The following ADAM18 variants were observed in gnomAD, a reference collection of about 807,000 sequenced individuals.
ADAM18 encodes the protein disintegrin and metalloproteinase domain-containing protein 18.
ADAM18 carries 117 observed loss-of-function variants against 94.4 expected under a neutral mutation model. The observed-to-expected ratio is 1.24, with a 90% CI of 1.07 to 1.45. The LOEUF (loss-of-function observed/expected upper bound fraction) is 1.45. ADAM18 is among the 40% of genes most tolerant of loss of function. The probability of loss-of-function intolerance (pLI) is 0.00; values close to 1 mark genes in which losing one functional copy is unlikely to be tolerated. For missense variants in ADAM18, 936 were observed against 880.0 expected (o/e 1.06, Z -0.81); for synonymous variants, 327 against 291.6 (o/e 1.12, Z -1.24).
At chr8:39,693,328 A>C (rs1464781758) in intron 17 of ADAM18, among the ~76,000 whole-genome samples, 1 of 151,524 alleles carries the variant, frequency 6.6e-6, no homozygotes, top group African/African-American at 2.4e-5. Context: ...GATTCAGAGG[A>C]TATAAAATGC....
chr8:39,677,731 A>G (rs982015490), intron 15 of ADAM18, among the ~76,000 whole-genome samples, 195 bp downstream of exon 15: 2 of 152,102 alleles, frequency 1.3e-5, no homozygotes, highest in Admixed American at 6.6e-5. Context: ...GAGATTGGAC[A>G]AAAAAAGGCT....
At chr8:39,705,278 TC>T (rs1822209723) in intron 17 of ADAM18, among the ~76,000 whole-genome samples, 2 of 152,170 alleles carry the variant, frequency 1.3e-5, no homozygotes, top group Admixed American at 1.3e-4. Context: ...TTACGTAATC[TC>T]CAAAATATCA....
At chr8:39,621,560 A>G (rs1235025227) in intron 6 of ADAM18, among the ~76,000 whole-genome samples, 1 of 152,022 alleles carries the variant, frequency 6.6e-6, no homozygotes, top group Non-Finnish European at 1.5e-5. Context: ...GTAACATCCA[A>G]TAATATTGTG....
rs758275974 is a variant in ADAM18 at position 39,629,356 on chromosome 8, G to C, written c.523-18G>C. 1 of 1,526,886 alleles carries C rather than the reference G, an allele frequency of 6.5e-7. No individual in the cohort carries two copies. The highest frequency in any genetic ancestry group is 8.9e-7 in the Non-Finnish European group (1 of 1,117,886). The allele number at this position is 1,526,886 out of a possible 1,614,324, so 94.6% of individuals were successfully genotyped here. A position where few individuals can be genotyped will look rare whatever the true frequency, so the allele number is the denominator to read the frequency against. ...TACATGTTAACATTTTATAAATCCC[G>C]TTGTTGTTGTTTTCCAGATAAAAAA... On this transcript the variant is annotated intron_variant, in intron 6 of 19. Coordinates refer to ENST00000265707, the MANE Select transcript of ADAM18 (RefSeq NM_014237.3).
intron 7 of ADAM18, among the ~76,000 whole-genome samples, chr8:39,634,943 G>A (rs1039543356): frequency 6.6e-6 from 1 of 152,182 alleles, no homozygotes; most frequent in Admixed American, 6.6e-5. Context: ...GTTTGAATAT[G>A]TTCCTTCCAA....
chr8:39,598,893 C>T (rs1818820486), intron 2 of ADAM18, among the ~76,000 whole-genome samples: 4 of 151,964 alleles, frequency 2.6e-5, no homozygotes, highest in Admixed American at 2.6e-4. Flanking sequence ...CTCACTGCAA[C>T]CATCACCTCC....
intron 18 of ADAM18, among the ~76,000 whole-genome samples, chr8:39,719,114 T>C (rs962799147): frequency 2.0e-5 from 3 of 151,286 alleles, no homozygotes; most frequent in African/African-American, 7.3e-5. Flanking sequence ...AGTTATCAAG[T>C]CAGCGTGGTA....
At chr8:39,605,615 G>T (rs75770246) in intron 2 of ADAM18, 5,512 of 160,392 alleles carry the variant, frequency 0.034, 135 homozygotes, top group Non-Finnish European at 0.054. Flanking sequence ...AAATGCAAGT[G>T]TTTTTCTAAA....
chr8:39,616,406 T>C (rs1019274297), intron 6 of ADAM18, among the ~76,000 whole-genome samples: 1 of 152,054 alleles, frequency 6.6e-6, no homozygotes, highest in South Asian at 2.1e-4. Flanking sequence ...CAAGACTCCT[T>C]CTCAAAAAGA....
intron 17 of ADAM18, among the ~76,000 whole-genome samples, chr8:39,697,689 AGTATG>A (rs1821964555): frequency 1.3e-5 from 2 of 151,752 alleles, no homozygotes; most frequent in South Asian, 4.1e-4. Context: ...GCCTGAAGAA[AGTATG>A]GTGGCTAAAA....
intron 19 of ADAM18, among the ~76,000 whole-genome samples, chr8:39,726,519 T>C (rs1483579471): frequency 6.6e-6 from 1 of 152,128 alleles, no homozygotes; most frequent in African/African-American, 2.4e-5. Context: ...TTTTATTTCA[T>C]TGATTGTTTC....
chr8:39,721,700 A>T (rs1032903038), intron 18 of ADAM18, among the ~76,000 whole-genome samples: 7 of 151,694 alleles, frequency 4.6e-5, no homozygotes, highest in African/African-American at 1.7e-4. Flanking sequence ...GCAAATTAAA[A>T]CTACAATGAG....
In ADAM18 at chr8:39,585,456, A is replaced by G. The variant is rs1818370147; in HGVS notation, c.132+104A>G. On this transcript the variant is annotated intron_variant, in intron 2 of 19. Coordinates refer to ENST00000265707, the MANE Select transcript of ADAM18 (RefSeq NM_014237.3). ...ACTAATTTGTATTCATTGCCAAATC[A>G]TAATATTTTGCCTGTGCTATTTTGT... The G allele has an allele frequency of 4.8e-6, 4 of 829,538 alleles. No individual in the cohort carries two copies. In the Admixed American group the frequency reaches 8.4e-5, roughly 17 times the overall value. The allele number at this position is 829,538 out of a possible 1,614,324, so 51.4% of individuals were successfully genotyped here.
intron 12 of ADAM18, among the ~76,000 whole-genome samples, chr8:39,661,307 C>T (rs1465949895): frequency 6.8e-6 from 1 of 147,388 alleles, no homozygotes; most frequent in Non-Finnish European, 1.5e-5. Flanking sequence ...CGCCCACCAC[C>T]ACACCCGGCA....
At chr8:39,697,863 T>C in intron 17 of ADAM18, among the ~76,000 whole-genome samples, 1 of 151,810 alleles carries the variant, frequency 6.6e-6, no homozygotes, top group East Asian at 1.9e-4. Flanking sequence ...GAACACCTGC[T>C]TTTAATGTTT....
intron 14 of ADAM18, among the ~76,000 whole-genome samples, chr8:39,670,907 T>A (rs1056663976): frequency 6.6e-6 from 1 of 152,216 alleles, no homozygotes; most frequent in Non-Finnish European, 1.5e-5. Flanking sequence ...GGGGGTTTTA[T>A]ACAAAAGTCT....
At position 39,668,973 on chromosome 8, in the gene ADAM18, A is replaced by G. The variant is rs1475634824; in HGVS notation, c.1525+777A>G. Reference sequence around the variant, plus strand: ...GATTAGGAGGCTTAAACGAAATTCAACAAAAGCTGCAGAACTATGATTTCT... The same window carrying G: ...GATTAGGAGGCTTAAACGAAATTCAGCAAAAGCTGCAGAACTATGATTTCT... On this transcript the variant is annotated intron_variant, in intron 14 of 19. Transcript: ENST00000265707. Among the ~76,000 whole-genome samples the G allele has an allele frequency of 2.0e-5, 3 of 152,118 alleles. No homozygotes were observed. The East Asian group carries it at 5.8e-4, about 29-fold the overall frequency.
At chr8:39,648,559 T>C in intron 12 of ADAM18, 32 bp downstream of exon 12, 1 of 1,559,962 alleles carries the variant, frequency 6.4e-7, no homozygotes. Context: ...TCGAGCACAA[T>C]TTTTATGTTT....
intron 17 of ADAM18, among the ~76,000 whole-genome samples, chr8:39,704,483 A>G (rs1019132517): frequency 1.4e-4 from 22 of 152,158 alleles, no homozygotes; most frequent in African/African-American, 5.3e-4. Flanking sequence ...AGATGCAGAA[A>G]AGGCTTTTGA....
Sources: allele counts gnomAD v4.1 joint callset (sites outside exome capture counted in the v4.1 genomes callset), GRCh38; gene constraint gnomAD v4.1.1; transcripts MANE v1.5; gene names NCBI Gene and HGNC (gene_info 2026-07-23, HGNC 2026-07-21).